NCALD: variants seen among roughly 807,000 people sequenced by gnomAD.
The protein encoded by NCALD is neurocalcin delta, also known as neurocalcin-delta.
Under a neutral mutation model 18.6 loss-of-function variants are expected in NCALD, and 10 were observed. The observed-to-expected ratio is 0.54, with a 90% CI of 0.33 to 0.91. The LOEUF (loss-of-function observed/expected upper bound fraction) is 0.91, where lower values mean the gene tolerates loss of function less well. NCALD is among the 40% of genes least tolerant of loss of function. The probability of loss-of-function intolerance (pLI) is 0.03; values close to 1 mark genes in which losing one functional copy is unlikely to be tolerated. For missense variants in NCALD, 184 were observed against 247.6 expected (o/e 0.74, Z 1.72); for synonymous variants, 88 against 87.4 (o/e 1.01, Z -0.04).
At chr8:101,726,144 T>G (rs76880796) in intron 1 of NCALD, among the ~76,000 whole-genome samples, 1 of 151,990 alleles carries the variant, frequency 6.6e-6, no homozygotes, top group Non-Finnish European at 1.5e-5. Context: ...GGGGAGGAGA[T>G]GACATCAGCA....
chr8:101,806,915 A>C (rs1395960019), intron 4 of NCALD, among the ~76,000 whole-genome samples: 1 of 152,140 alleles, frequency 6.6e-6, no homozygotes, highest in Non-Finnish European at 1.5e-5. Flanking sequence ...CAGCAAGAGA[A>C]AAATGGCTCA....
intron 4 of NCALD, among the ~76,000 whole-genome samples, chr8:101,797,585 A>G (rs1812686000): frequency 6.6e-6 from 1 of 152,196 alleles, no homozygotes; most frequent in Non-Finnish European, 1.5e-5. Context: ...TGGGTGGCCA[A>G]AGCAGGCAGA....
At chr8:101,997,447 A>G (rs1821279146) in intron 2 of NCALD, among the ~76,000 whole-genome samples, 1 of 152,144 alleles carries the variant, frequency 6.6e-6, no homozygotes, top group Non-Finnish European at 1.5e-5. Flanking sequence ...AGGGGAAGAA[A>G]AGGTTGGGTT....
chr8:101,850,688 T>C (rs186429602), intron 4 of NCALD, among the ~76,000 whole-genome samples: 2 of 152,340 alleles, frequency 1.3e-5, no homozygotes, highest in African/African-American at 4.8e-5. Context: ...ATGTTTACTT[T>C]CTCATGACGT....
chr8:101,710,803 A>G (rs1338967668), intron 2 of NCALD, among the ~76,000 whole-genome samples: 2 of 152,244 alleles, frequency 1.3e-5, no homozygotes, highest in Non-Finnish European at 2.9e-5. Context: ...TCCCTGGGAC[A>G]GAGCACCTGG....
chr8:102,027,068 G>A (rs771934473), intron 1 of NCALD, among the ~76,000 whole-genome samples: 26 of 152,188 alleles, frequency 1.7e-4, no homozygotes, highest in Admixed American at 7.9e-4. Flanking sequence ...CCTGGGCTTG[G>A]CCCACAAAAC....
chr8:101,979,044 A>G (rs1186321278), intron 2 of NCALD, among the ~76,000 whole-genome samples: 1 of 152,162 alleles, frequency 6.6e-6, no homozygotes, highest in Non-Finnish European at 1.5e-5. Context: ...ACTCAGATCA[A>G]TCAGATCAGC....
intron 2 of NCALD, among the ~76,000 whole-genome samples, chr8:101,966,564 A>T (rs1230669877): frequency 6.6e-6 from 1 of 152,070 alleles, no homozygotes; most frequent in Non-Finnish European, 1.5e-5. Context: ...GCACACCAAC[A>T]TGGCACATGT....
At chr8:101,852,994 G>T (rs537941) in intron 4 of NCALD, among the ~76,000 whole-genome samples, 52,945 of 152,002 alleles carry the variant, frequency 0.35, 11,373 homozygotes, top group African/African-American at 0.6. Flanking sequence ...ACAAGTTGTT[G>T]GTGAGGCAGC....
intron 1 of NCALD, among the ~76,000 whole-genome samples, chr8:102,119,409 G>A (rs1486553854): frequency 6.6e-6 from 1 of 152,214 alleles, no homozygotes; most frequent in African/African-American, 2.4e-5. Context: ...GAGGTTGGAA[G>A]GGAGGAGGAG....
At chr8:101,964,155 C>T (rs1819936632) in intron 2 of NCALD, among the ~76,000 whole-genome samples, 1 of 152,092 alleles carries the variant, frequency 6.6e-6, no homozygotes, top group African/African-American at 2.4e-5. Context: ...TCTCAAGTTT[C>T]CAGACTGCTC....
chr8:102,025,298 T>C (rs1822415771), intron 1 of NCALD, among the ~76,000 whole-genome samples: 1 of 152,234 alleles, frequency 6.6e-6, no homozygotes, highest in African/African-American at 2.4e-5. Context: ...AGAAGGAAAT[T>C]TGGTCTTTGC....
At chr8:101,918,382 G>A (rs1447407010) in intron 2 of NCALD, among the ~76,000 whole-genome samples, 1 of 151,862 alleles carries the variant, frequency 6.6e-6, no homozygotes, top group African/African-American at 2.4e-5. Context: ...TCATACTGAA[G>A]GGGCAAAAAC....
chr8:101,990,670 C>G (rs1400622229), intron 2 of NCALD, among the ~76,000 whole-genome samples: 1 of 152,144 alleles, frequency 6.6e-6, no homozygotes, highest in Admixed American at 6.5e-5. Context: ...CACCTTCTGC[C>G]ACGATTGTGA....
intron 1 of NCALD, among the ~76,000 whole-genome samples, chr8:101,734,297 A>G (rs1816978741): frequency 1.3e-5 from 2 of 152,202 alleles, no homozygotes; most frequent in Admixed American, 6.5e-5. Flanking sequence ...CTCACTGAAC[A>G]TGCCCTCCTT....
intron 1 of NCALD, among the ~76,000 whole-genome samples, chr8:101,737,814 A>T (rs940943888): frequency 2.0e-5 from 3 of 152,188 alleles, no homozygotes; most frequent in Non-Finnish European, 4.4e-5. Flanking sequence ...TAGCACTGAG[A>T]AAGGCGCTGG....
chr8:101,742,090 GAA>G (rs35753528), intron 1 of NCALD, among the ~76,000 whole-genome samples: 42 of 147,050 alleles, frequency 2.9e-4, no homozygotes, highest in East Asian at 4.0e-4. Flanking sequence ...TGTCTCTACT[GAA>G]AAAAAAAAAA....
chr8:101,826,241 GGAGTGTTTCCATCTTT>G (rs1172464121), intron 4 of NCALD, among the ~76,000 whole-genome samples: 8 of 152,184 alleles, frequency 5.3e-5, no homozygotes, highest in African/African-American at 1.9e-4. Context: ...ACCCTAGGCG[GGAGTGTTTCCATCTTT>G]GATAACAAAT....
chr8:101,806,923 T>C (rs1813123795), intron 4 of NCALD, among the ~76,000 whole-genome samples: 1 of 150,574 alleles, frequency 6.6e-6, no homozygotes, highest in Admixed American at 6.6e-5. Context: ...GAAAAATGGC[T>C]CATTACATGT....
Sources: allele counts gnomAD v4.1 joint callset (sites outside exome capture counted in the v4.1 genomes callset), GRCh38; gene constraint gnomAD v4.1.1; transcripts MANE v1.5; gene names NCBI Gene and HGNC (gene_info 2026-07-23, HGNC 2026-07-21).